The following HSPA9 variants were observed in gnomAD, a reference collection of about 807,000 sequenced individuals.
The protein encoded by HSPA9 is stress-70 protein, mitochondrial.
A neutral mutation model predicts 81.5 loss-of-function variants in HSPA9; 28 were observed. The observed-to-expected ratio is 0.34, with a 90% CI of 0.25 to 0.47. The LOEUF is 0.47. HSPA9 is among the 20% of genes least tolerant of loss of function. The pLI is 1.00. For missense variants in HSPA9, 678 were observed against 838.0 expected, an observed-to-expected ratio of 0.81 and a Z score of 2.36; for synonymous variants, 293 against 290.4, an observed-to-expected ratio of 1.01 and a Z score of -0.09.
chr5:138,572,429 C>G (rs936899505), intron 3 of HSPA9, among the ~76,000 whole-genome samples: 5 of 152,160 alleles, frequency 3.3e-5, no homozygotes, highest in African/African-American at 1.2e-4. Flanking sequence ...CACCAAAGTG[C>G]TGCATTTTCT....
At chr5:138,562,041 C>T (rs1178022640) in intron 9 of HSPA9, among the ~76,000 whole-genome samples, 2 of 151,414 alleles carry the variant, frequency 1.3e-5, no homozygotes, top group Non-Finnish European at 2.9e-5. Context: ...CAGGTTCAAG[C>T]GATTCTCCTG....
chr5:138,559,052 A>G (rs1750594760), intron 11 of HSPA9: 1 of 207,580 alleles, frequency 4.8e-6, no homozygotes, highest in Non-Finnish European at 1.0e-5. Context: ...ATATACCAAC[A>G]ACCATAGTTT....
At chr5:138,567,192 A>G (rs775353634) in intron 7 of HSPA9, 29 bp from the exon 8 acceptor site, 17 of 1,571,518 alleles carry the variant, frequency 1.1e-5, no homozygotes, top group Non-Finnish European at 1.4e-5. Context: ...AAAAAAAAGA[A>G]AAGAAATCCT....
Position 138,571,083 on chromosome 5 carries a change from T to C in HSPA9, c.287A>G (p.Asp96Gly), listed in dbSNP as rs372123281. The C allele has an allele frequency of 1.3e-5, 21 of 1,614,158 alleles. No homozygotes were observed. The highest frequency in any genetic ancestry group is 3.3e-4 in the Middle Eastern group (2 of 6,038). Residue 96 changes from aspartate to glycine, a missense_variant, in exon 4 of 17, where the codon GAT (aspartate) becomes GGT (glycine). By Grantham distance (94) the Asp-to-Gly change is moderately conservative (BLOSUM62 -1). Transcript: ENST00000297185. ...TTPSVVAFTADGERLVGMPAK... is the reference protein window; with the variant it reads ...TTPSVVAFTAGGERLVGMPAK... ...CGGCATTCCAACAAGTCGCTCACCA[T>C]CTGCTGTAAAGGCCACAACTGAAGG...
chr5:138,556,164 C>A (rs750061854), intron 16 of HSPA9, 50 bp from the exon 17 acceptor site: 2 of 1,465,104 alleles, frequency 1.4e-6, no homozygotes, highest in African/African-American at 2.8e-5. Flanking sequence ...TAGAGCTAAC[C>A]ATTTGCTCTT....
chr5:138,556,365 G>T (rs1750519442), intron 16 of HSPA9, 87 bp downstream of exon 16: 1 of 1,447,174 alleles, frequency 6.9e-7, no homozygotes. Context: ...TTCCACAAAT[G>T]GCTATGGAGG....
In HSPA9 at chr5:138,555,351, A is replaced by C. The variant is rs981136495; in HGVS notation, c.*686T>G. On this transcript the variant is annotated 3_prime_UTR_variant, in exon 17 of 17. Coordinates refer to ENST00000297185, the MANE Select transcript of HSPA9 (RefSeq NM_004134.7). ...AACAAGAGATCAAGATGCTTTCTGT[A>C]TTTATTTAAAAAAAAAAAAATTCCA... The C allele has an allele frequency of 2.0e-5, 3 of 151,966 alleles. No homozygotes were observed. The highest frequency in any genetic ancestry group is 7.3e-5 in the African/African-American group (3 of 41,328). 9.4% of individuals were successfully genotyped at this position (151,966 alleles called of 1,614,324 possible).
intron 9 of HSPA9, among the ~76,000 whole-genome samples, chr5:138,566,148 A>C (rs779126086): frequency 2.9e-4 from 40 of 140,332 alleles, no homozygotes; most frequent in Middle Eastern, 4.1e-3. Context: ...AGATCACGCC[A>C]TTGCACTGTA....
chr5:138,571,958 G>T (rs1182927494), intron 3 of HSPA9, among the ~76,000 whole-genome samples: 1 of 14,756 alleles, frequency 6.8e-5, no homozygotes, highest in Non-Finnish European at 1.5e-4. Context: ...CACTGCGCCT[G>T]GCTTTTTTTT....
At chr5:138,575,021 T>C (rs1201190882) in intron 1 of HSPA9, 2 of 599,316 alleles carry the variant, frequency 3.3e-6, no homozygotes, top group African/African-American at 1.9e-5. Flanking sequence ...ACACTCTAGA[T>C]CGCGAGGGGT....
rs723711 is a variant in HSPA9 at position 138,555,402 on chromosome 5, G to C, written c.*635C>G. ...GAATGGGTAAGAGAACAATCATCAA[G>C]GATGTAGGTGCCAGACACAGGGCAG... On this transcript the variant is annotated 3_prime_UTR_variant, in exon 17 of 17. Coordinates refer to ENST00000297185, the MANE Select transcript of HSPA9 (RefSeq NM_004134.7). 1 of 152,432 alleles carries C rather than the reference G, an allele frequency of 6.6e-6. No individual in the cohort carries two copies. The highest frequency in any genetic ancestry group is 1.5e-5 in the Non-Finnish European group (1 of 68,290). The allele number at this position is 152,432 out of a possible 1,614,324, so 9.4% of individuals were successfully genotyped here.
intron 1 of HSPA9, 72 bp from the exon 2 acceptor site, chr5:138,574,198 CACTT>C: frequency 9.6e-7 from 1 of 1,037,520 alleles, no homozygotes; most frequent in Non-Finnish European, 1.5e-6. Context: ...AACTTGGGCT[CACTT>C]AGTATATAAA....
At chr5:138,568,698 T>A (rs184224879) in intron 5 of HSPA9, among the ~76,000 whole-genome samples, 1 of 151,782 alleles carries the variant, frequency 6.6e-6, no homozygotes, top group Non-Finnish European at 1.5e-5. Context: ...TATAGAACAT[T>A]ACCCCCTACT....
chr5:138,557,367 C>G (rs1356565892), intron 14 of HSPA9, 35 bp downstream of exon 14: 1 of 1,410,748 alleles, frequency 7.1e-7, no homozygotes, highest in African/African-American at 1.4e-5. Context: ...CTGAGCTTTA[C>G]TAAGATTAAA....
chr5:138,572,186 T>G (rs1376707698), intron 3 of HSPA9, among the ~76,000 whole-genome samples: 1 of 151,948 alleles, frequency 6.6e-6, no homozygotes, highest in Non-Finnish European at 1.5e-5. Flanking sequence ...CACACTCAAG[T>G]GGCCTCCCCA....
At chr5:138,565,519 T>C (rs944507563) in intron 9 of HSPA9, among the ~76,000 whole-genome samples, 3 of 152,304 alleles carry the variant, frequency 2.0e-5, no homozygotes, top group East Asian at 3.9e-4. Flanking sequence ...ACACCGGAAA[T>C]AGATCTGCTG....
chr5:138,569,099 A>G (rs763938307), intron 4 of HSPA9, 50 bp from the exon 5 acceptor site: 1 of 1,581,940 alleles, frequency 6.3e-7, no homozygotes, highest in East Asian at 2.2e-5. Context: ...ACAACTTACC[A>G]TGACAAAATT....
chr5:138,574,346 A>C lies in HSPA9; in HGVS notation c.82-220T>G, dbSNP rs188963155. On this transcript the variant is annotated intron_variant, in intron 1 of 16. Transcript: ENST00000297185. ...CCGTGGCGCTATTAATTTTGGGCGAAATTTTTGTGGTGGGGGCTGTTCTGT... is the reference window on the plus strand; with the variant it reads ...CCGTGGCGCTATTAATTTTGGGCGACATTTTTGTGGTGGGGGCTGTTCTGT... 1.1e-3 allele frequency among the ~76,000 whole-genome samples: 163 copies of C among 152,306 alleles called. 1 individual carries two copies. Among genetic ancestry groups the C allele is most frequent in the African/African-American group, 3.4e-3 (142 of 41,556 alleles).
At chr5:138,572,658 T>A (rs1330929842) in intron 3 of HSPA9, among the ~76,000 whole-genome samples, 1 of 152,186 alleles carries the variant, frequency 6.6e-6, no homozygotes, top group Non-Finnish European at 1.5e-5. Flanking sequence ...TCATACTTCC[T>A]TTCCCCCCAA....
Sources: allele counts gnomAD v4.1 joint callset (sites outside exome capture counted in the v4.1 genomes callset), GRCh38; gene constraint gnomAD v4.1.1; transcripts MANE v1.5; gene names NCBI Gene and HGNC (gene_info 2026-07-23, HGNC 2026-07-21).